The following SHOC1 variants were observed in gnomAD, a reference collection of about 807,000 sequenced individuals.
SHOC1 encodes the protein shortage in chiasmata 1, also known as protein shortage in chiasmata 1 ortholog.
Under a neutral mutation model 179.2 loss-of-function variants are expected in SHOC1, and 136 were observed. That is an observed-to-expected ratio of 0.76 (90% confidence interval 0.66 to 0.87). The LOEUF (loss-of-function observed/expected upper bound fraction) is 0.87, where lower values mean the gene tolerates loss of function less well. SHOC1 is among the 40% of genes least tolerant of loss of function. SHOC1 has a pLI of 0.00. For missense variants in SHOC1, 1,538 were observed against 1,700.8 expected (o/e 0.90, Z 1.68); for synonymous variants, 489 against 586.6 (o/e 0.83, Z 2.41).
chr9:111,787,137 C>T (rs1460300566), intron 2 of SHOC1, among the ~76,000 whole-genome samples: 3 of 152,192 alleles, frequency 2.0e-5, no homozygotes, highest in Non-Finnish European at 2.9e-5. Flanking sequence ...GATAATGCAC[C>T]TGGCCACCCA....
At chr9:111,755,501 A>G (rs1270767602) in intron 8 of SHOC1, among the ~76,000 whole-genome samples, 4 of 152,132 alleles carry the variant, frequency 2.6e-5, no homozygotes, top group Non-Finnish European at 5.9e-5. Flanking sequence ...GAAATTTATG[A>G]GAGGGCAGTT....
intron 5 of SHOC1, among the ~76,000 whole-genome samples, chr9:111,769,986 G>GTTTTTTTTTTTTTTTT (rs769266659): frequency 1.4e-4 from 11 of 77,628 alleles, no homozygotes; most frequent in South Asian, 4.9e-4. Context: ...TTTTTTTTTT[G>GTTTTTTTTTTTTTTTT]TTTTTTTTTT....
rs1358322579 is a variant in SHOC1 at position 111,789,963 on chromosome 9, AT to A, written c.45+1410del. ...AGCACAGTTTTATTATACTGGAGTA[AT>A]TTTTTTCCTTGGTAGATGGGGTCAG... On this transcript the variant is annotated intron_variant, in intron 2 of 27. Coordinates refer to ENST00000682961, the MANE Select transcript of SHOC1 (RefSeq NM_001378211.1). Among the ~76,000 whole-genome samples, 4 of 152,238 alleles carry A rather than the reference AT, an allele frequency of 2.6e-5. No homozygotes were observed. The East Asian group carries it at 5.8e-4, about 22-fold the overall frequency.
chr9:111,690,398 TG>T (rs1254961748), intron 27 of SHOC1, among the ~76,000 whole-genome samples: 1 of 152,124 alleles, frequency 6.6e-6, no homozygotes, highest in East Asian at 1.9e-4. Context: ...CACTCCAGCC[TG>T]GGCTACAGAG....
Position 111,775,844 on chromosome 9 carries a change from A to C in SHOC1, c.389T>G (p.Phe130Cys). Residue 130 changes from phenylalanine (F) to cysteine (C), a missense_variant, in exon 5 of 28, where the codon TTT becomes TGT. Transcript: ENST00000682961. The part of the protein sequence containing the change: ...LYTHMDYNEV[F>C]TPVSCLEKCS... ...TTTTTCTAAACAACTGACAGGGGTA[A>C]AGACTTCATTGTAGTCCATGTGGGT... 8 of 1,613,398 alleles carry C rather than the reference A, an allele frequency of 5.0e-6. No homozygotes were observed. Among genetic ancestry groups the C allele is most frequent in the Non-Finnish European group, 6.8e-6 (8 of 1,179,778 alleles).
rs901481160 is a variant in SHOC1, at chr9:111,746,299, T to C, written c.1014A>G (p.Gln338=). 9.9e-6 allele frequency: 16 copies of C among 1,612,352 alleles called. No individual in the cohort carries two copies. The highest frequency in any genetic ancestry group is 1.3e-5 in the Non-Finnish European group (15 of 1,178,708). Residue 338 remains glutamine (Q), a synonymous_variant, in exon 10 of 28, where the codon CAA becomes CAG. Transcript: ENST00000682961. The stretch of plus-strand genomic sequence containing the variant: ...TACGTAATGAATTCACTGAAGAATG[T>C]TGGCATGTTAGGAATAGAGGAGTTA... The part of the protein sequence containing the change: ...MPLTPLFLTC[Q]HSSVNSLRTE...
chr9:111,759,379 A>C, intron 5 of SHOC1: 1 of 1,471,616 alleles, frequency 6.8e-7, no homozygotes, highest in Non-Finnish European at 9.0e-7. Context: ...AATTATTTAC[A>C]GTGAAAGTTT....
intron 6 of SHOC1, 23 bp downstream of exon 6, chr9:111,758,672 G>A: frequency 6.5e-7 from 1 of 1,546,296 alleles, no homozygotes; most frequent in Non-Finnish European, 8.7e-7. Flanking sequence ...AATATTTACA[G>A]CATTGGTCAA....
chr9:111,694,179 G>A (rs2131317902), intron 25 of SHOC1, 52 bp downstream of exon 25: 1 of 1,497,608 alleles, frequency 6.7e-7, no homozygotes, highest in Admixed American at 2.0e-5. Flanking sequence ...TTCAAATACA[G>A]GTTTTTATAT....
Position 111,714,643 on chromosome 9 carries a change from A to G in SHOC1, c.2237-20T>C, listed in dbSNP as rs763463497. On this transcript the variant is annotated intron_variant, in intron 16 of 27. Coordinates refer to ENST00000682961, the MANE Select transcript of SHOC1 (RefSeq NM_001378211.1). ...AATATCCTATTGAAGCAAAATTAGA[A>G]AAAAATTGTCTAAGTATTTGTTTTT... The G allele has an allele frequency of 6.3e-7, 1 of 1,587,940 alleles. No homozygotes were observed. The highest frequency in any genetic ancestry group is 8.5e-7 in the Non-Finnish European group (1 of 1,171,118).
At chr9:111,774,321 C>T in intron 5 of SHOC1, among the ~76,000 whole-genome samples, 1 of 152,114 alleles carries the variant, frequency 6.6e-6, no homozygotes, top group Non-Finnish European at 1.5e-5. Flanking sequence ...TTTCTCCAGA[C>T]AGGGTCTCAC....
chr9:111,727,708 C>G lies in SHOC1; in HGVS notation c.1759G>C (p.Asp587His). 1 of 1,611,718 alleles carries G rather than the reference C, an allele frequency of 6.2e-7. No individual in the cohort carries two copies. The highest frequency in any genetic ancestry group is 8.5e-7 in the Non-Finnish European group (1 of 1,179,274). The change falls in exon 13 of 28, where the codon GAC (aspartate) becomes CAC (histidine). Residue 587 changes from aspartate to histidine, a missense_variant. Transcript: ENST00000682961. ...KQENDLDLLS[D>H]FIMLRNKYKT... Reference sequence around the variant, plus strand: ...TATTTATTTCGCAGCATAATAAAGTCGCTCAAAAGGTCCAAATCATTCTCT... The same window carrying G: ...TATTTATTTCGCAGCATAATAAAGTGGCTCAAAAGGTCCAAATCATTCTCT...
Position 111,727,821 on chromosome 9 carries a change from T to C in SHOC1, c.1646A>G (p.His549Arg). ...TGGTCCTGTGCAGTCAAGTTCAAAG[T>C]GATCGTTATTTTCTTTCTTTTGGAT... ...RIIQKKENND[H>R]FELDCTGPSI... is the part of the protein sequence containing the mutation. The change falls in exon 13 of 28, where the codon CAC becomes CGC. Residue 549 changes from histidine (H) to arginine (R), a missense_variant. Transcript: ENST00000682961. 1 of 1,611,646 alleles carries C rather than the reference T, an allele frequency of 6.2e-7. No individual in the cohort carries two copies. The highest frequency in any genetic ancestry group is 8.5e-7 in the Non-Finnish European group (1 of 1,179,232).
chr9:111,782,509 G>A (rs1351431211), intron 3 of SHOC1, among the ~76,000 whole-genome samples: 2 of 151,846 alleles, frequency 1.3e-5, no homozygotes, highest in Non-Finnish European at 2.9e-5. Context: ...TCTTTCTCTT[G>A]TACTAACTTA....
intron 25 of SHOC1, 21 bp from the exon 26 acceptor site, chr9:111,693,969 TAATC>T (rs1810289464): frequency 2.5e-6 from 4 of 1,584,548 alleles, no homozygotes; most frequent in African/African-American, 1.3e-5. Context: ...GTTTAAGAAA[TAATC>T]AGTCAGTAGT....
chr9:111,733,029 A>C (rs906062139), intron 12 of SHOC1, among the ~76,000 whole-genome samples: 1 of 77,218 alleles, frequency 1.3e-5, no homozygotes, highest in Admixed American at 1.6e-4. Flanking sequence ...ACATTCCATC[A>C]TAAGCATCTC....
At chr9:111,747,740 C>T (rs1834360405) in intron 9 of SHOC1, among the ~76,000 whole-genome samples, 1 of 152,044 alleles carries the variant, frequency 6.6e-6, no homozygotes, top group African/African-American at 2.4e-5. Context: ...GTCACCATGC[C>T]TGCCTGGCTA....
intron 5 of SHOC1, among the ~76,000 whole-genome samples, chr9:111,768,131 T>C (rs142624485): frequency 7.2e-5 from 11 of 152,268 alleles, no homozygotes; most frequent in Middle Eastern, 3.4e-3. Context: ...GTATTTTATA[T>C]TTTTTGTAGC....
rs1001664686 is a variant in SHOC1 at position 111,782,346 on chromosome 9, GT to G, written c.170-1330del. Among the ~76,000 whole-genome samples, 146 of 152,076 alleles carry G rather than the reference GT, an allele frequency of 9.6e-4. 4 individuals carry two copies. Among genetic ancestry groups the G allele is most frequent in the Admixed American group, 9.2e-4 (14 of 15,282 alleles). ...AACATCTCAACCTTTTTGCACCTCT[GT>G]TTTTTTTATGTACAAACTAGGAAGA... On this transcript the variant is annotated intron_variant, in intron 3 of 27. Transcript: ENST00000682961.
Sources: gnomAD v4.1 joint callset for allele counts (sites outside exome capture counted in the v4.1 genomes callset) on GRCh38, gnomAD v4.1.1 for gene constraint, MANE v1.5 for transcripts, NCBI Gene and HGNC (gene_info 2026-07-23, HGNC 2026-07-21) for gene names.